Variants in TACR1 observed in about 807,000 individuals in gnomAD.
TACR1 encodes the protein substance-P receptor.
TACR1 carries 25 observed loss-of-function variants against 35.8 expected under a neutral mutation model. That is an observed-to-expected ratio of 0.70 (90% CI 0.51 to 0.98). The LOEUF is 0.98. Ranked by LOEUF, TACR1 falls within the 50% of genes least tolerant of loss-of-function variation. TACR1 has a pLI of 0.00. For synonymous variants in TACR1, 195 were observed against 206.7 expected (o/e 0.94, Z 0.48); for missense variants, 478 against 522.9 (o/e 0.91, Z 0.84).
intron 1 of TACR1, among the ~76,000 whole-genome samples, chr2:75,162,715 G>C (rs1425151075): frequency 6.6e-6 from 1 of 152,152 alleles, no homozygotes; most frequent in Non-Finnish European, 1.5e-5. Context: ...TTTTTTGTCT[G>C]AGAGACACTC....
chr2:75,091,201 C>CAAAATAA, intron 2 of TACR1, among the ~76,000 whole-genome samples: 1 of 63,416 alleles, frequency 1.6e-5, no homozygotes, highest in Non-Finnish European at 3.2e-5. Context: ...CTCGTAGGTG[C>CAAAATAA]AAAAAAAAAA....
chr2:75,123,108 CTTT>C (rs914020470), intron 1 of TACR1, among the ~76,000 whole-genome samples: 17 of 152,212 alleles, frequency 1.1e-4, no homozygotes, highest in Non-Finnish European at 2.5e-4. Flanking sequence ...GCCAGAACCT[CTTT>C]GAGTGTTTGT....
intron 2 of TACR1, among the ~76,000 whole-genome samples, chr2:75,100,656 C>T (rs997004692): frequency 1.3e-5 from 2 of 152,106 alleles, no homozygotes; most frequent in Admixed American, 6.6e-5. Context: ...TTTAAGGTGA[C>T]GAGTGTGATA....
intron 1 of TACR1, among the ~76,000 whole-genome samples, chr2:75,150,157 A>G (rs1167238930): frequency 6.6e-6 from 1 of 152,220 alleles, no homozygotes; most frequent in Non-Finnish European, 1.5e-5. Context: ...CTATTTGTTA[A>G]GCATTATGAA....
intron 1 of TACR1, among the ~76,000 whole-genome samples, chr2:75,184,730 T>G (rs1675646793): frequency 6.6e-6 from 1 of 151,248 alleles, no homozygotes; most frequent in Non-Finnish European, 1.5e-5. Context: ...ATACAACATA[T>G]GTGGTAATAT....
At chr2:75,191,686 T>A (rs527436828) in intron 1 of TACR1, among the ~76,000 whole-genome samples, 1 of 152,264 alleles carries the variant, frequency 6.6e-6, no homozygotes, top group East Asian at 1.9e-4. Context: ...CAAACCTTTA[T>A]GGTAGGGAGA....
intron 2 of TACR1, among the ~76,000 whole-genome samples, chr2:75,057,719 G>A (rs1042164681): frequency 2.0e-5 from 3 of 152,154 alleles, no homozygotes; most frequent in African/African-American, 7.2e-5. Flanking sequence ...GAATCTGTTT[G>A]AGATAAAGAT....
At chr2:75,137,496 T>C (rs1277525468) in intron 1 of TACR1, among the ~76,000 whole-genome samples, 2 of 151,606 alleles carry the variant, frequency 1.3e-5, no homozygotes, top group South Asian at 2.1e-4. Flanking sequence ...GAGGCCAAGG[T>C]GGGCGGATCA....
At chr2:75,131,121 CT>C (rs1674169224) in intron 1 of TACR1, among the ~76,000 whole-genome samples, 3 of 150,388 alleles carry the variant, frequency 2.0e-5, no homozygotes, top group Admixed American at 2.0e-4. Context: ...GACAGAGTCT[CT>C]CTGTCACCCA....
At chr2:75,064,502 A>G (rs1672729058) in intron 2 of TACR1, among the ~76,000 whole-genome samples, 1 of 152,188 alleles carries the variant, frequency 6.6e-6, no homozygotes, top group Non-Finnish European at 1.5e-5. Flanking sequence ...TGTGTGGGGA[A>G]AAAATATAAA....
At chr2:75,096,564 G>T (rs1673429546) in intron 2 of TACR1, among the ~76,000 whole-genome samples, 1 of 152,208 alleles carries the variant, frequency 6.6e-6, no homozygotes, top group Non-Finnish European at 1.5e-5. Flanking sequence ...CAGGGCTATT[G>T]TGCAAATAGA....
intron 1 of TACR1, among the ~76,000 whole-genome samples, chr2:75,162,499 A>G (rs1675035574): frequency 6.6e-6 from 1 of 152,204 alleles, no homozygotes; most frequent in African/African-American, 2.4e-5. Flanking sequence ...TAGGAAAGAG[A>G]ACCTTGGGAC....
At position 75,120,602 on chromosome 2, in the gene TACR1, C is replaced by G. The variant is rs200026957; in HGVS notation, c.556G>C (p.Glu186Gln). ...SRVVCMIEWP[E>Q]HPNKIYEKVY... ...TTCTCATAAATCTTGTTCGGATGCT[C>G]TGGCCATTCGATCATGCACACGACT... The change falls in exon 2 of 5, where the codon GAG (glutamate) becomes CAG (glutamine). Residue 186 changes from glutamate to glutamine, a missense_variant. Glu to Gln is a conservative substitution (Grantham distance 29, BLOSUM62 2). Coordinates refer to ENST00000305249, the MANE Select transcript of TACR1 (RefSeq NM_001058.4). 2.9e-5 allele frequency: 46 copies of G among 1,609,154 alleles called. 1 individual carries two copies. In the South Asian group the frequency reaches 4.8e-4, roughly 17 times the overall value.
chr2:75,118,617 C>T (rs889180035), intron 2 of TACR1, among the ~76,000 whole-genome samples: 1 of 152,086 alleles, frequency 6.6e-6, no homozygotes, highest in Non-Finnish European at 1.5e-5. Context: ...GAAAAGACCC[C>T]AGAGATCTGT....
chr2:75,180,531 G>T (rs1675537095), intron 1 of TACR1, among the ~76,000 whole-genome samples: 1 of 152,186 alleles, frequency 6.6e-6, no homozygotes, highest in African/African-American at 2.4e-5. Flanking sequence ...TTGAGAAGGT[G>T]CTTGCATGTG....
intron 2 of TACR1, among the ~76,000 whole-genome samples, chr2:75,110,833 T>C (rs1673735633): frequency 6.6e-6 from 1 of 152,032 alleles, no homozygotes; most frequent in African/African-American, 2.4e-5. Flanking sequence ...TAAGACTTTC[T>C]AAGAATGTAA....
chr2:75,068,987 C>T (rs925993951), intron 2 of TACR1, among the ~76,000 whole-genome samples: 2 of 152,198 alleles, frequency 1.3e-5, no homozygotes, highest in South Asian at 2.1e-4. Context: ...TCCCATAATT[C>T]CCACTTGTCA....
chr2:75,134,014 G>A (rs1674228875), intron 1 of TACR1, among the ~76,000 whole-genome samples: 1 of 152,168 alleles, frequency 6.6e-6, no homozygotes, highest in African/African-American at 2.4e-5. Context: ...ACTCCCACCA[G>A]TGCTATGACA....
At chr2:75,190,327 T>C (rs1470336404) in intron 1 of TACR1, among the ~76,000 whole-genome samples, 1 of 152,234 alleles carries the variant, frequency 6.6e-6, no homozygotes, top group Non-Finnish European at 1.5e-5. Context: ...GACCATGATA[T>C]ACAATATCCA....
Sources: gnomAD v4.1 joint callset for allele counts (sites outside exome capture counted in the v4.1 genomes callset) on GRCh38, gnomAD v4.1.1 for gene constraint, MANE v1.5 for transcripts, NCBI Gene and HGNC (gene_info 2026-07-23, HGNC 2026-07-21) for gene names.